The following MACF1 variants were observed in gnomAD, a reference collection of about 807,000 sequenced individuals.
MACF1 encodes microtubule-actin cross-linking factor 1.
A neutral mutation model predicts 854.8 loss-of-function variants in MACF1; 193 were observed. The ratio of observed to expected loss-of-function variants is 0.23; its 90% CI spans 0.20 to 0.25. MACF1 has a LOEUF of 0.25. MACF1 is among the 10% of genes least tolerant of loss of function. The pLI is 1.00. For missense variants in MACF1, 7,722 were observed against 8,929.1 expected, an observed-to-expected ratio of 0.86 and a Z score of 5.45; for synonymous variants, 3,185 against 3,226.7, an observed-to-expected ratio of 0.99 and a Z score of 0.44.
rs565003126 is a variant in MACF1, at chr1:39,450,322, G to T, written c.20259-730G>T. Among the ~76,000 whole-genome samples the T allele has an allele frequency of 4.6e-5, 7 of 151,382 alleles. No homozygotes were observed. The South Asian group carries it at 8.3e-4, about 18-fold the overall frequency. On this transcript the variant is annotated intron_variant, in intron 84 of 100. Coordinates refer to ENST00000564288, the MANE Select transcript of MACF1 (RefSeq NM_001394062.1). ...TACTCCAATTTTTTTTTTTTATGAGGTGACTGAGGTTCAAGGAGATGAAGA... is the reference window on the plus strand; with the variant it reads ...TACTCCAATTTTTTTTTTTTATGAGTTGACTGAGGTTCAAGGAGATGAAGA...
chr1:39,151,342 G>T (rs895473630), intron 2 of MACF1, among the ~76,000 whole-genome samples: 12 of 152,052 alleles, frequency 7.9e-5, no homozygotes, highest in African/African-American at 2.7e-4. Flanking sequence ...TGTCCTAATT[G>T]GTTTCCTCCC....
chr1:39,296,840 AAGGAAAAG>A (rs1381000373), intron 20 of MACF1, among the ~76,000 whole-genome samples: 87 of 134,108 alleles, frequency 6.5e-4, no homozygotes, highest in African/African-American at 2.6e-3. Context: ...GGAAGGAAGG[AAGGAAAAG>A]AAAGAAAGAG....
intron 2 of MACF1, among the ~76,000 whole-genome samples, chr1:39,160,310 C>T (rs900288257): frequency 3.9e-5 from 6 of 152,162 alleles, no homozygotes; most frequent in African/African-American, 1.4e-4. Context: ...AAGAGTGCTG[C>T]TCTCTGGTGC....
At position 39,332,758 on chromosome 1, in the gene MACF1, G is replaced by A. The variant is rs965446213; in HGVS notation, c.6170G>A (p.Cys2057Tyr). The A allele has an allele frequency of 5.6e-6, 9 of 1,614,156 alleles. No homozygotes were observed. Among genetic ancestry groups the A allele is most frequent in the South Asian group, 2.2e-5 (2 of 91,078 alleles). Residue 2057 changes from cysteine to tyrosine, a missense_variant, in exon 37 of 101, where the codon TGC (cysteine) becomes TAC (tyrosine). By Grantham distance (194) the Cys-to-Tyr change is radical. This residue lies in a region of MACF1 where 1,531 missense variants were observed against 1,601.6 expected (regional missense o/e 0.96). Transcript: ENST00000564288. ...AAAGAATATCCCGATCGGGAAGATT[G>A]CACTACAGAAAAAGGCAAAAAGACC... The part of the protein sequence containing the change: ...QNKEYPDRED[C>Y]TTEKGKKTTV...
chr1:39,255,086 A>AC (rs918367021), intron 5 of MACF1, among the ~76,000 whole-genome samples: 76 of 152,144 alleles, frequency 5.0e-4, no homozygotes, highest in African/African-American at 1.8e-3. Flanking sequence ...TGAGACCTGG[A>AC]CAGGTAAATG....
chr1:39,337,630 G>C (rs933278808), intron 38 of MACF1, among the ~76,000 whole-genome samples: 1 of 147,154 alleles, frequency 6.8e-6, no homozygotes, highest in African/African-American at 2.5e-5. Flanking sequence ...CAGTAGCGGT[G>C]ATCTCGGCTC....
chr1:39,228,975 T>A (rs748134831), intron 1 of MACF1, among the ~76,000 whole-genome samples: 2 of 152,186 alleles, frequency 1.3e-5, no homozygotes, highest in South Asian at 2.1e-4. Flanking sequence ...CTTCTAACAG[T>A]CCCAAATGAG....
At chr1:39,317,916 G>A (rs1646443826) in intron 29 of MACF1, among the ~76,000 whole-genome samples, 5 of 152,162 alleles carry the variant, frequency 3.3e-5, no homozygotes, top group Admixed American at 2.6e-4. Flanking sequence ...AAATTTGTAG[G>A]GAGAGGAGCT....
chr1:39,287,248 A>C, intron 14 of MACF1, 38 bp from the exon 15 acceptor site: 1 of 1,597,048 alleles, frequency 6.3e-7, no homozygotes, highest in Non-Finnish European at 8.6e-7. Flanking sequence ...TATACTATAG[A>C]TTTAAATCCT....
At chr1:39,320,663 A>G (rs914826678) in intron 31 of MACF1, among the ~76,000 whole-genome samples, 3 of 152,198 alleles carry the variant, frequency 2.0e-5, no homozygotes, top group Non-Finnish European at 2.9e-5. Context: ...CTCTTAGAAT[A>G]TCTTTAAGGA....
intron 58 of MACF1, among the ~76,000 whole-genome samples, chr1:39,390,202 C>T (rs1341456803): frequency 6.6e-6 from 1 of 152,200 alleles, no homozygotes; most frequent in Non-Finnish European, 1.5e-5. Context: ...GTTTCCATCA[C>T]TAGAGTTAAT....
chr1:39,287,041 A>G (rs1645658306), intron 14 of MACF1, among the ~76,000 whole-genome samples: 1 of 150,198 alleles, frequency 6.7e-6, no homozygotes, highest in African/African-American at 2.5e-5. Flanking sequence ...GCTCACTGCA[A>G]CCTCCGCCTC....
At chr1:39,195,828 C>T (rs891968363) in intron 2 of MACF1, among the ~76,000 whole-genome samples, 5 of 152,136 alleles carry the variant, frequency 3.3e-5, no homozygotes, top group South Asian at 2.1e-4. Context: ...AATCATTATA[C>T]ATGCTTCAAG....
At position 39,333,371 on chromosome 1, in the gene MACF1, T is replaced by A. The variant is rs1646759891; in HGVS notation, c.6783T>A (p.Asp2261Glu). 1 of 1,614,064 alleles carries A rather than the reference T, an allele frequency of 6.2e-7. No homozygotes were observed. Among genetic ancestry groups the A allele is most frequent in the Non-Finnish European group, 8.5e-7 (1 of 1,179,998 alleles). Residue 2261 changes from aspartate (D) to glutamate (E), a missense_variant, in exon 37 of 101, where the codon GAT (aspartate) becomes GAA (glutamate). This residue lies in a region of MACF1 where 1,531 missense variants were observed against 1,601.6 expected (regional missense o/e 0.96). Coordinates refer to ENST00000564288, the MANE Select transcript of MACF1 (RefSeq NM_001394062.1). ...GTATGATGATGTCAGAAAAGACCGATGAGGAAGATAGTGGCAGGGAAATTT... is the reference window on the plus strand; with the variant it reads ...GTATGATGATGTCAGAAAAGACCGAAGAGGAAGATAGTGGCAGGGAAATTT... ...GGSMMMSEKT[D>E]EEDSGREIFL...
rs113617932 is a variant in MACF1 at position 39,409,138 on chromosome 1, G to C, written c.15817-13236G>C. On this transcript the variant is annotated intron_variant, in intron 58 of 100. Coordinates refer to ENST00000564288, the MANE Select transcript of MACF1 (RefSeq NM_001394062.1). The surrounding 1 kb of genome is among the most constrained non-coding windows in gnomAD (Gnocchi z 4.2). ...CGCGGGGGAGGAGGACTCGCCCCCC[G>C]CCCGACCCTAGCGGAGCCTTTTGTT... Among the ~76,000 whole-genome samples, 1 of 152,048 alleles carries C rather than the reference G, an allele frequency of 6.6e-6. No individual in the cohort carries two copies. Among genetic ancestry groups the C allele is most frequent in the Admixed American group, 6.5e-5 (1 of 15,276 alleles).
In MACF1 at chr1:39,331,878, C is replaced by T. The variant is rs752427737; in HGVS notation, c.5290C>T (p.Arg1764Trp). ...GCTAATAGATAGGCAGGTCACTGTCCGGTTGCTGGAAGCTCAGCTTTTTGC... is the reference window on the plus strand; with the variant it reads ...GCTAATAGATAGGCAGGTCACTGTCTGGTTGCTGGAAGCTCAGCTTTTTGC... ...EGLIDRQVTV[R>W]LLEAQLFAGG... The change falls in exon 37 of 101, where the codon CGG becomes TGG. Residue 1764 changes from arginine (R) to tryptophan (W), a missense_variant. By Grantham distance (101) the Arg-to-Trp change is moderately radical. Coordinates refer to ENST00000564288, the MANE Select transcript of MACF1 (RefSeq NM_001394062.1). The T allele has an allele frequency of 8.1e-5, 131 of 1,613,930 alleles. No individual in the cohort carries two copies. Among genetic ancestry groups the T allele is most frequent in the South Asian group, 4.8e-4 (44 of 91,066 alleles).
At chr1:39,239,338 C>T (rs1252882034) in intron 2 of MACF1, among the ~76,000 whole-genome samples, 2 of 152,144 alleles carry the variant, frequency 1.3e-5, no homozygotes, top group African/African-American at 4.8e-5. Flanking sequence ...CCAGGTCTCC[C>T]AACTTCTAGA....
At chr1:39,189,871 G>A (rs953198965) in intron 2 of MACF1, among the ~76,000 whole-genome samples, 3 of 152,106 alleles carry the variant, frequency 2.0e-5, no homozygotes, top group African/African-American at 7.2e-5. Flanking sequence ...GCATAAGACT[G>A]GCTTTGTAAT....
intron 89 of MACF1, among the ~76,000 whole-genome samples, chr1:39,456,191 G>A (rs971865254): frequency 9.9e-5 from 15 of 152,116 alleles, no homozygotes; most frequent in Non-Finnish European, 1.9e-4. Flanking sequence ...AAAATTAGTC[G>A]GGTGTGGTTG....
Sources: gnomAD v4.1 joint callset for allele counts (sites outside exome capture counted in the v4.1 genomes callset) on GRCh38, gnomAD v4.1.1 for gene constraint, gnomAD v4.1.1 regional missense constraint, Gnocchi (gnomAD v3.1) non-coding constraint, MANE v1.5 for transcripts, NCBI Gene and HGNC (gene_info 2026-07-23, HGNC 2026-07-21) for gene names.